Variants in DHX32 observed in about 807,000 individuals in gnomAD.
DHX32 encodes the protein DEAH-box helicase 32 (putative).
A neutral mutation model predicts 70.0 loss-of-function variants in DHX32; 51 were observed. The observed-to-expected ratio is 0.73, with a 90% CI of 0.58 to 0.92. The LOEUF is 0.92. DHX32 is among the 40% of genes least tolerant of loss of function. The pLI, the probability that DHX32 is intolerant of heterozygous loss-of-function variation, is 0.00. For missense variants in DHX32, 762 were observed against 891.8 expected (o/e 0.85, Z 1.85); for synonymous variants, 310 against 315.3 (o/e 0.98, Z 0.18).
chr10:125,879,215 G>T (rs1297016097), intron 1 of DHX32, among the ~76,000 whole-genome samples: 3 of 151,350 alleles, frequency 2.0e-5, no homozygotes, highest in African/African-American at 7.3e-5. Context: ...ATAAAGTTGG[G>T]ATCTTGCCAT....
At chr10:125,844,726 G>A (rs983005080) in intron 6 of DHX32, among the ~76,000 whole-genome samples, 2 of 152,184 alleles carry the variant, frequency 1.3e-5, no homozygotes, top group Non-Finnish European at 2.9e-5. Flanking sequence ...AGTAAGTAAC[G>A]CTAACAAATG....
At chr10:125,845,674 A>G (rs1944007874) in intron 6 of DHX32, among the ~76,000 whole-genome samples, 1 of 152,242 alleles carries the variant, frequency 6.6e-6, no homozygotes, top group South Asian at 2.1e-4. Context: ...AGGATGTTAG[A>G]GATAGAGTGG....
chr10:125,857,508 C>G (rs888498334), intron 3 of DHX32, among the ~76,000 whole-genome samples: 1 of 152,190 alleles, frequency 6.6e-6, no homozygotes, highest in African/African-American at 2.4e-5. Flanking sequence ...TTTCATGGCA[C>G]TCTCACTTTA....
rs777054910 is a variant in DHX32, at chr10:125,841,313, TTCC to T, written c.1544-320_1544-318del. On this transcript the variant is annotated intron_variant, in intron 7 of 10. Transcript: ENST00000284690. ...GACACAAGAAGAGGATTGGAACCAG[TTCC>T]GATACAGCACAATGGTTGGTCTGTT... 13 of 1,614,170 alleles carry T rather than the reference TTCC, an allele frequency of 8.1e-6. No homozygotes were observed. In the East Asian group the frequency reaches 2.9e-4, roughly 36 times the overall value.
At chr10:125,841,187 T>TTGTGTG in intron 7 of DHX32, 191 bp from the exon 8 acceptor site, 1 of 1,391,716 alleles carries the variant, frequency 7.2e-7, no homozygotes, top group Admixed American at 1.9e-5. Context: ...CCCTCTCCTT[T>TTGTGTG]TGTGTGTGTG....
intron 6 of DHX32, chr10:125,842,733 G>C: frequency 1.4e-6 from 1 of 719,890 alleles, no homozygotes; most frequent in Non-Finnish European, 1.7e-6. Context: ...AACTGACCTG[G>C]ATCTCAGATG....
intron 6 of DHX32, among the ~76,000 whole-genome samples, chr10:125,843,010 T>C (rs1349901628): frequency 2.0e-5 from 3 of 152,018 alleles, no homozygotes; most frequent in African/African-American, 7.2e-5. Context: ...ACCACAATTA[T>C]TTTTGCACCA....
At chr10:125,887,328 G>C (rs61870702) in intron 1 of DHX32, among the ~76,000 whole-genome samples, 2 of 152,132 alleles carry the variant, frequency 1.3e-5, no homozygotes, top group African/African-American at 4.8e-5. Context: ...TGTGGAAATA[G>C]AAATTCTTTG....
chr10:125,879,813 G>C (rs575560510), intron 1 of DHX32, among the ~76,000 whole-genome samples: 17 of 151,968 alleles, frequency 1.1e-4, no homozygotes, highest in Non-Finnish European at 2.2e-4. Context: ...CACCATGCCC[G>C]GCTACTTCTT....
rs373484718 is a variant in DHX32 at position 125,874,871 on chromosome 10, C to T, written c.282+5672G>A. Among the ~76,000 whole-genome samples the T allele has an allele frequency of 2.8e-4, 42 of 152,192 alleles. 2 individuals are homozygous for T. The South Asian group carries it at 8.1e-3, about 29-fold the overall frequency. ...CCACAAATAGATGGATAGAATGAGA[C>T]GTGTGTATATTGCACTCACATACAT... is the stretch of plus-strand genomic sequence containing the variant. On this transcript the variant is annotated intron_variant, in intron 1 of 10. Transcript: ENST00000284690.
intron 6 of DHX32, 122 bp from the exon 7 acceptor site, chr10:125,842,056 T>C: frequency 1.6e-6 from 2 of 1,259,728 alleles, no homozygotes; most frequent in Non-Finnish European, 2.1e-6. Flanking sequence ...GAAACAACGG[T>C]TTGCAAGCCA....
rs535145592 is a variant in DHX32 at position 125,839,434 on chromosome 10, A to G, written c.1694-246T>C. On this transcript the variant is annotated intron_variant, in intron 8 of 10. Coordinates refer to ENST00000284690, the MANE Select transcript of DHX32 (RefSeq NM_018180.3). The stretch of plus-strand genomic sequence containing the variant: ...CCATGCCACCTGCTGGGGTTCTGTG[A>G]TCCCAGCCAACTGTGGAAACTGTTC... Among the ~76,000 whole-genome samples the G allele has an allele frequency of 2.0e-5, 3 of 152,334 alleles. No homozygotes were observed. In the East Asian group the frequency reaches 5.8e-4, roughly 29 times the overall value.
Position 125,836,690 on chromosome 10 carries a change from C to G in DHX32, c.2229G>C (p.Gln743His). 1.2e-6 allele frequency: 2 copies of G among 1,613,908 alleles called. No individual in the cohort carries two copies. The highest frequency in any genetic ancestry group is 1.7e-6 in the Non-Finnish European group (2 of 1,179,864). ...CPETEQRCTL[Q>H] ...GCACCTTGTGTTTGCTGGGGAGTCACTGGAGAGTGCATCTCTGTTCAGTTT... is the reference window on the plus strand; with the variant it reads ...GCACCTTGTGTTTGCTGGGGAGTCAGTGGAGAGTGCATCTCTGTTCAGTTT... The change falls in exon 11 of 11, where the codon CAG becomes CAC. Residue 743 changes from glutamine (Q) to histidine (H), a missense_variant. Around this residue, in one of 3 missense-constraint regions of DHX32, gnomAD observed 366 missense variants for 402.6 expected, o/e 0.91. Transcript: ENST00000284690.
At chr10:125,853,826 A>C in intron 4 of DHX32, 135 bp downstream of exon 4, 3 of 1,066,838 alleles carry the variant, frequency 2.8e-6, no homozygotes, top group Non-Finnish European at 4.0e-6. Context: ...TCTTCTTTGC[A>C]CTCATGACCA....
chr10:125,838,895 G>T, intron 9 of DHX32, 106 bp downstream of exon 9: 1 of 1,272,806 alleles, frequency 7.9e-7, no homozygotes, highest in Non-Finnish European at 1.1e-6. Flanking sequence ...TGGATTTTTA[G>T]TTTTACTTAA....
At chr10:125,855,750 C>T (rs567426198) in intron 3 of DHX32, among the ~76,000 whole-genome samples, 1 of 152,242 alleles carries the variant, frequency 6.6e-6, no homozygotes, top group South Asian at 2.1e-4. Context: ...GCACCTGGCC[C>T]AAGATAAACT....
intron 4 of DHX32, 61 bp downstream of exon 4, chr10:125,853,900 A>G (rs1421630902): frequency 1.9e-5 from 30 of 1,560,500 alleles, no homozygotes; most frequent in Non-Finnish European, 2.2e-5. Context: ...ATGGTAGGAA[A>G]CTGAGAAACT....
At chr10:125,843,587 G>A (rs533874820) in intron 6 of DHX32, among the ~76,000 whole-genome samples, 1 of 152,162 alleles carries the variant, frequency 6.6e-6, no homozygotes, top group Admixed American at 6.5e-5. Flanking sequence ...ACTCCAGCCT[G>A]GGCGACAGAG....
intron 7 of DHX32, 114 bp from the exon 8 acceptor site, chr10:125,841,110 C>T (rs1331381866): frequency 7.3e-7 from 1 of 1,376,798 alleles, no homozygotes; most frequent in Non-Finnish European, 9.9e-7. Flanking sequence ...TCTTGGTACT[C>T]TGAATAAATA....
Sources: gnomAD v4.1 joint callset for allele counts (sites outside exome capture counted in the v4.1 genomes callset) on GRCh38, gnomAD v4.1.1 for gene constraint, gnomAD v4.1.1 regional missense constraint, MANE v1.5 for transcripts, NCBI Gene and HGNC (gene_info 2026-07-23, HGNC 2026-07-21) for gene names.